The following ZNF735 variants were observed in gnomAD, a reference collection of about 807,000 sequenced individuals.
The protein encoded by ZNF735 is putative zinc finger protein 735.
A neutral mutation model predicts 13.4 loss-of-function variants in ZNF735; 11 were observed. That is an observed-to-expected ratio of 0.82 (90% confidence interval 0.52 to 1.36). ZNF735 has a LOEUF of 1.36. Ranked by LOEUF, ZNF735 falls within the 40% of genes most tolerant of loss-of-function variation. The pLI is 0.00. For missense variants in ZNF735, 500 were observed against 484.6 expected (o/e 1.03, Z -0.30); for synonymous variants, 171 against 162.6 (o/e 1.05, Z -0.39).
exon 4 of ZNF735, chr7:64,219,904 A>G (rs1273262657): frequency 6.2e-7 from 1 of 1,613,982 alleles, no homozygotes; most frequent in East Asian, 2.2e-5. Context: ...CTCAACACTT[A>G]CTAACCACAA....
At chr7:64,217,554 A>T (rs538322914) in intron 3 of ZNF735, among the ~76,000 whole-genome samples, 1 of 151,596 alleles carries the variant, frequency 6.6e-6, no homozygotes, top group African/African-American at 2.4e-5. Context: ...TTGCTATTTT[A>T]TTTCTTGCTT....
chr7:64,215,759 A>G (rs1240697694), intron 3 of ZNF735, among the ~76,000 whole-genome samples: 1 of 152,076 alleles, frequency 6.6e-6, no homozygotes, highest in East Asian at 1.9e-4. Context: ...TTTCAACATT[A>G]TCTATTGAAG....
intron 3 of ZNF735, among the ~76,000 whole-genome samples, chr7:64,215,174 G>A (rs1271177750): frequency 6.0e-5 from 9 of 151,216 alleles, no homozygotes; most frequent in Non-Finnish European, 1.3e-4. Context: ...TGATTCTCCT[G>A]CCTCAGTCTC....
chr7:64,215,439 T>C (rs1787408248), intron 3 of ZNF735, among the ~76,000 whole-genome samples: 1 of 150,850 alleles, frequency 6.6e-6, no homozygotes, highest in Non-Finnish European at 1.5e-5. Context: ...ATATTAAGCC[T>C]TATCACATGT....
intron 1 of ZNF735, among the ~76,000 whole-genome samples, chr7:64,208,300 C>T (rs1787316889): frequency 7.5e-6 from 1 of 133,072 alleles, no homozygotes; most frequent in Non-Finnish European, 1.5e-5. Flanking sequence ...CTCTGTCCTC[C>T]AGGCTGGAGT....
At chr7:64,215,592 A>C (rs973153882) in intron 3 of ZNF735, among the ~76,000 whole-genome samples, 2 of 152,076 alleles carry the variant, frequency 1.3e-5, no homozygotes, top group African/African-American at 4.8e-5. Flanking sequence ...TGACATGTCT[A>C]AGAAAATGGT....
chr7:64,215,683 A>C (rs1460967958), intron 3 of ZNF735, among the ~76,000 whole-genome samples: 1 of 150,624 alleles, frequency 6.6e-6, no homozygotes, highest in Non-Finnish European at 1.5e-5. Context: ...TATTTTGTTT[A>C]AAATATTTTT....
intron 1 of ZNF735, among the ~76,000 whole-genome samples, chr7:64,211,992 G>A (rs1398190844): frequency 1.3e-5 from 2 of 151,822 alleles, no homozygotes; most frequent in Non-Finnish European, 2.9e-5. Flanking sequence ...GTGTGCATCA[G>A]CACATAATAA....
At chr7:64,214,053 G>A (rs1218879557) in exon 3 of ZNF735, 9 of 1,600,516 alleles carry the variant, frequency 5.6e-6, no homozygotes, top group Non-Finnish European at 7.6e-6. Flanking sequence ...CCTGTCTGGA[G>A]CAAAATAAAG....
chr7:64,214,073 A>G, exon 3 of ZNF735: 1 of 1,600,840 alleles, frequency 6.2e-7, no homozygotes. Flanking sequence ...GAGCCCCAGA[A>G]TATAAAGAGA....
At chr7:64,219,716 T>C in exon 4 of ZNF735, 3 of 1,595,714 alleles carry the variant, frequency 1.9e-6, no homozygotes, top group Non-Finnish European at 2.6e-6. Flanking sequence ...GGCAAATCCT[T>C]TAACCACTCC....
chr7:64,209,372 G>C (rs1787331111), intron 1 of ZNF735, among the ~76,000 whole-genome samples: 2 of 148,454 alleles, frequency 1.3e-5, no homozygotes, highest in African/African-American at 2.5e-5. Context: ...TTTTTGAGAC[G>C]GAGCTTCGCT....
chr7:64,218,654 G>A (rs183491185), intron 3 of ZNF735, among the ~76,000 whole-genome samples: 158 of 151,750 alleles, frequency 1.0e-3, no homozygotes, highest in Admixed American at 1.8e-3. Context: ...CGAAAATTTT[G>A]ATTTTTTTGA....
At chr7:64,212,808 A>C (rs932865286) in intron 1 of ZNF735, among the ~76,000 whole-genome samples, 1 of 151,870 alleles carries the variant, frequency 6.6e-6, no homozygotes, top group African/African-American at 2.4e-5. Flanking sequence ...AAAAAAAGAA[A>C]AGAAAAAAGA....
chr7:64,212,251 G>A (rs1332109124), intron 1 of ZNF735, among the ~76,000 whole-genome samples: 1 of 152,150 alleles, frequency 6.6e-6, no homozygotes, highest in Non-Finnish European at 1.5e-5. Context: ...AGAAACTGGG[G>A]AAAACCCAGA....
chr7:64,212,579 G>A (rs1373863112), intron 1 of ZNF735, among the ~76,000 whole-genome samples: 1 of 152,050 alleles, frequency 6.6e-6, no homozygotes, highest in Non-Finnish European at 1.5e-5. Flanking sequence ...GATCACGTGA[G>A]GTCAGGAGTT....
At chr7:64,214,162 G>T (rs4718036) in intron 3 of ZNF735, 54 bp downstream of exon 3, 188 of 1,562,528 alleles carry the variant, frequency 1.2e-4, no homozygotes, top group Non-Finnish European at 1.5e-4. Context: ...ACAAGTCAAG[G>T]AGGTAGCCAG....
intron 1 of ZNF735, among the ~76,000 whole-genome samples, chr7:64,207,983 C>T (rs146760260): frequency 0.039 from 5,829 of 148,820 alleles, 180 homozygotes; most frequent in East Asian, 0.17. Context: ...CAAGACTCCA[C>T]CTCAAAAAAA....
At chr7:64,209,433 G>C (rs1439919565) in intron 1 of ZNF735, among the ~76,000 whole-genome samples, 1 of 150,182 alleles carries the variant, frequency 6.7e-6, no homozygotes, top group African/African-American at 2.5e-5. Context: ...TGCAACCTTC[G>C]CCTTCCATTT....
Sources: allele counts gnomAD v4.1 joint callset (sites outside exome capture counted in the v4.1 genomes callset), GRCh38; gene constraint gnomAD v4.1.1; transcripts MANE v1.5; gene names NCBI Gene and HGNC (gene_info 2026-07-23, HGNC 2026-07-21).